The following PIEZO2 variants were observed in gnomAD, a reference collection of about 807,000 sequenced individuals.
PIEZO2 encodes the protein piezo type mechanosensitive ion channel component 2.
In PIEZO2, 172 loss-of-function variants were observed where a neutral mutation model predicts 337.3. The observed-to-expected ratio is 0.51, with a 90% CI of 0.45 to 0.58. PIEZO2 has a LOEUF of 0.58. Among genes scored for constraint, PIEZO2 ranks in the 20% least tolerant of loss-of-function variants. The pLI is 0.00. For missense variants in PIEZO2, 3,028 were observed against 3,391.3 expected, an observed-to-expected ratio of 0.89 and a Z score of 2.66; for synonymous variants, 1,251 against 1,228.5, an observed-to-expected ratio of 1.02 and a Z score of -0.38.
rs965825507 is a variant in PIEZO2 at position 11,093,580 on chromosome 18, T to C, written c.65-27358A>G. ...TCCAGTCCATTCACTCAACATCTTT[T>C]TTTTTTTTTTTTTTTTTTTTTTCTG... On this transcript the variant is annotated intron_variant, in intron 1 of 55. Coordinates refer to ENST00000674853, the MANE Select transcript of PIEZO2 (RefSeq NM_001378183.1). 1.0e-4 allele frequency among the ~76,000 whole-genome samples: 14 copies of C among 137,574 alleles called. No homozygotes were observed. The South Asian group carries it at 3.4e-3, about 34-fold the overall frequency. 90.3% of individuals were successfully genotyped at this position (137,574 alleles called of 152,430 possible). A position where few individuals can be genotyped will look rare whatever the true frequency, so the allele number is the denominator to read the frequency against.
intron 1 of PIEZO2, among the ~76,000 whole-genome samples, chr18:11,088,219 C>T (rs970665827): frequency 6.6e-6 from 1 of 152,132 alleles, no homozygotes; most frequent in Non-Finnish European, 1.5e-5. Flanking sequence ...AGAGGAGGTC[C>T]TGAAATGAAT....
chr18:11,001,936 A>AGGAAGGAC lies in PIEZO2; in HGVS notation c.161-22277_161-22276insGTCCTTCC. ...AAGGAAGGAAGGAAGGAAGGAAGGA[A>AGGAAGGAC]GGAAGGAAGGAAGAAAAAAAGACTT... On this transcript the variant is annotated intron_variant, in intron 2 of 55. Transcript: ENST00000674853. This position sits in a 1 kb window ranked among gnomAD's most constrained non-coding sequence, Gnocchi z 5.3. Among the ~76,000 whole-genome samples the AGGAAGGAC allele has an allele frequency of 6.6e-6, 1 of 151,058 alleles. No individual in the cohort carries two copies. The highest frequency in any genetic ancestry group is 1.5e-5 in the Non-Finnish European group (1 of 67,728).
chr18:10,852,118 A>G (rs1402946931), intron 7 of PIEZO2, among the ~76,000 whole-genome samples: 1 of 152,222 alleles, frequency 6.6e-6, no homozygotes, highest in Non-Finnish European at 1.5e-5. Flanking sequence ...AGGAAACTAA[A>G]AGCATTAATT....
In PIEZO2 at chr18:10,847,382, G is replaced by A. The variant is rs2041399281; in HGVS notation, c.917+7971C>T. On this transcript the variant is annotated intron_variant, in intron 7 of 55. Coordinates refer to ENST00000674853, the MANE Select transcript of PIEZO2 (RefSeq NM_001378183.1). This position sits in a 1 kb window ranked among gnomAD's most constrained non-coding sequence, Gnocchi z 5.7. The stretch of plus-strand genomic sequence containing the variant: ...GGAAGACCGTGGAGATGCCCTTGGT[G>A]GGCAAAAGGAGAGAAATCTGGCCCA... Among the ~76,000 whole-genome samples the A allele has an allele frequency of 6.6e-6, 1 of 152,222 alleles. No individual in the cohort carries two copies. Among genetic ancestry groups the A allele is most frequent in the Non-Finnish European group, 1.5e-5 (1 of 68,042 alleles).
chr18:10,856,580 G>T lies in PIEZO2; in HGVS notation c.703+421C>A, dbSNP rs2041711232. ...TTAGGAAGAAAAATAGTCTATCCTG[G>T]AGAGTTATATTAAGGTGACTATGGA... is the stretch of plus-strand genomic sequence containing the variant. On this transcript the variant is annotated intron_variant, in intron 6 of 55. Coordinates refer to ENST00000674853, the MANE Select transcript of PIEZO2 (RefSeq NM_001378183.1). This position sits in a 1 kb window ranked among gnomAD's most constrained non-coding sequence, Gnocchi z 4.7. Among the ~76,000 whole-genome samples, 1 of 152,156 alleles carries T rather than the reference G, an allele frequency of 6.6e-6. No individual in the cohort carries two copies. Among genetic ancestry groups the T allele is most frequent in the Non-Finnish European group, 1.5e-5 (1 of 68,022 alleles).
At position 10,775,534 on chromosome 18, in the gene PIEZO2, G is replaced by A. The variant is rs2038754020; in HGVS notation, c.2535-1496C>T. On this transcript the variant is annotated intron_variant, in intron 18 of 55. Coordinates refer to ENST00000674853, the MANE Select transcript of PIEZO2 (RefSeq NM_001378183.1). The surrounding 1 kb of genome is among the most constrained non-coding windows in gnomAD (Gnocchi z 4.3). The stretch of plus-strand genomic sequence containing the variant: ...CATTGACACTGCTGCAATCTCATAC[G>A]ACAAGAAAACTACTTTCTAACAATT... 6.6e-6 allele frequency among the ~76,000 whole-genome samples: 1 copy of A among 152,124 alleles called. No homozygotes were observed. Among genetic ancestry groups the A allele is most frequent in the South Asian group, 2.1e-4 (1 of 4,822 alleles).
intron 1 of PIEZO2, among the ~76,000 whole-genome samples, chr18:11,095,458 A>C (rs1437114501): frequency 6.6e-6 from 1 of 152,218 alleles, no homozygotes; most frequent in Non-Finnish European, 1.5e-5. Context: ...AGTTGCCCCA[A>C]GTCAGACCTC....
rs955899025 is a variant in PIEZO2, at chr18:11,078,226, T to C, written c.65-12004A>G. 1.3e-5 allele frequency among the ~76,000 whole-genome samples: 2 copies of C among 152,264 alleles called. No homozygotes were observed. Among genetic ancestry groups the C allele is most frequent in the Admixed American group, 6.5e-5 (1 of 15,292 alleles). On this transcript the variant is annotated intron_variant, in intron 1 of 55. Coordinates refer to ENST00000674853, the MANE Select transcript of PIEZO2 (RefSeq NM_001378183.1). The surrounding 1 kb of genome is among the most constrained non-coding windows in gnomAD (Gnocchi z 5.3). The stretch of plus-strand genomic sequence containing the variant: ...CTTTATGTAAGCAGCAGTGGCTTTT[T>C]ATAACAGGATTAATTTACTGCCTGC...
intron 2 of PIEZO2, among the ~76,000 whole-genome samples, chr18:11,058,953 G>A (rs1296732435): frequency 6.6e-6 from 1 of 152,150 alleles, no homozygotes; most frequent in African/African-American, 2.4e-5. Flanking sequence ...ACACATCATT[G>A]TCAGATTCAC....
intron 51 of PIEZO2, among the ~76,000 whole-genome samples, chr18:10,680,760 A>C (rs140704843): frequency 4.7e-4 from 72 of 152,328 alleles, no homozygotes; most frequent in Admixed American, 1.8e-3. Flanking sequence ...ACCCTCTCTG[A>C]AGAACTGCTC....
chr18:10,998,240 G>A (rs1335092263), intron 2 of PIEZO2, among the ~76,000 whole-genome samples: 1 of 152,026 alleles, frequency 6.6e-6, no homozygotes, highest in Non-Finnish European at 1.5e-5. Flanking sequence ...CAATGCTAAT[G>A]TAAGTTCTTC....
chr18:10,726,290 C>T lies in PIEZO2; in HGVS notation c.5029+5117G>A, dbSNP rs1344391199. 9.1e-6 allele frequency: 9 copies of T among 988,786 alleles called. No individual in the cohort carries two copies. Among genetic ancestry groups the T allele is most frequent in the Non-Finnish European group, 1.2e-5 (8 of 661,300 alleles). The allele number at this position is 988,786 out of a possible 1,614,324, so 61.3% of individuals were successfully genotyped here. On this transcript the variant is annotated intron_variant, in intron 36 of 55. Transcript: ENST00000674853. The surrounding 1 kb of genome is among the most constrained non-coding windows in gnomAD (Gnocchi z 5.9). ...GAGCATGAGAATGGAAGCGTCGCGG[C>T]CAGAGCCCCGGCCAGGTGGAGCAGG...
At chr18:11,075,062 T>C (rs2038482978) in intron 1 of PIEZO2, among the ~76,000 whole-genome samples, 2 of 152,212 alleles carry the variant, frequency 1.3e-5, no homozygotes, top group South Asian at 4.1e-4. Context: ...ATGCTCTTTA[T>C]TGCCTCAAGG....
In PIEZO2 at chr18:11,015,671, T is replaced by C. The variant is rs1039016331; in HGVS notation, c.161-36011A>G. Among the ~76,000 whole-genome samples the C allele has an allele frequency of 2.2e-4, 34 of 152,234 alleles. 1 individual carries two copies. The highest frequency in any genetic ancestry group is 6.5e-4 in the African/African-American group (27 of 41,544). ...TGCTGCATTTGCTGGGCTGGTTGACTGTGAGGGAAGGGACACATTTCTATG... is the reference window on the plus strand; with the variant it reads ...TGCTGCATTTGCTGGGCTGGTTGACCGTGAGGGAAGGGACACATTTCTATG... On this transcript the variant is annotated intron_variant, in intron 2 of 55. Coordinates refer to ENST00000674853, the MANE Select transcript of PIEZO2 (RefSeq NM_001378183.1).
At chr18:10,790,984 G>A (rs1379494647) in intron 14 of PIEZO2, among the ~76,000 whole-genome samples, 7 of 152,284 alleles carry the variant, frequency 4.6e-5, no homozygotes, top group Non-Finnish European at 5.9e-5. Flanking sequence ...GATTACAGGC[G>A]CGAGCCACGG....
At chr18:10,806,539 T>C (rs2040008157) in intron 8 of PIEZO2, among the ~76,000 whole-genome samples, 1 of 152,002 alleles carries the variant, frequency 6.6e-6, no homozygotes, top group African/African-American at 2.4e-5. Flanking sequence ...AAGGGGATAC[T>C]CAGGAGGCAA....
rs1265312436 is a variant in PIEZO2 at position 10,767,007 on chromosome 18, C to T, written c.2946+3141G>A. On this transcript the variant is annotated intron_variant, in intron 21 of 55. Transcript: ENST00000674853. The surrounding 1 kb of genome is among the most constrained non-coding windows in gnomAD (Gnocchi z 4.2). Reference sequence around the variant, plus strand: ...TCCATTCCCTCCCCTCCCCTCCCCTCCCCTTCCCTCCCCTCCCCTTCCCTT... The same window carrying T: ...TCCATTCCCTCCCCTCCCCTCCCCTTCCCTTCCCTCCCCTCCCCTTCCCTT... Among the ~76,000 whole-genome samples, 10 of 146,308 alleles carry T rather than the reference C, an allele frequency of 6.8e-5. No homozygotes were observed. The East Asian group carries it at 1.7e-3, about 24-fold the overall frequency.
At chr18:10,906,013 T>C (rs187886688) in intron 4 of PIEZO2, among the ~76,000 whole-genome samples, 63 of 152,164 alleles carry the variant, frequency 4.1e-4, no homozygotes, top group Middle Eastern at 3.4e-3. Flanking sequence ...TGGGAGGTGG[T>C]TGGAAATTTC....
At chr18:10,680,129 C>A in intron 52 of PIEZO2, 70 bp downstream of exon 52, 3 of 1,353,216 alleles carry the variant, frequency 2.2e-6, no homozygotes, top group South Asian at 1.4e-5. Context: ...TCCCACCACA[C>A]CCTCCCTCCC....
Sources: allele counts gnomAD v4.1 joint callset (sites outside exome capture counted in the v4.1 genomes callset), GRCh38; gene constraint gnomAD v4.1.1; non-coding constraint Gnocchi (gnomAD v3.1); transcripts MANE v1.5; gene names NCBI Gene and HGNC (gene_info 2026-07-23, HGNC 2026-07-21).